ASH1L: variants seen among roughly 807,000 people sequenced by gnomAD.
The protein encoded by ASH1L is ASH1 like histone lysine methyltransferase.
In ASH1L, 23 loss-of-function variants were observed where a neutral mutation model predicts 269.0. That is an observed-to-expected ratio of 0.09 (90% CI 0.06 to 0.12). The LOEUF is 0.12. Ranked by LOEUF, ASH1L falls within the 10% of genes least tolerant of loss-of-function variation. ASH1L has a pLI of 1.00. For synonymous variants in ASH1L, 1,187 were observed against 1,253.5 expected (o/e 0.95, Z 1.12); for missense variants, 2,912 against 3,567.8 (o/e 0.82, Z 4.68).
At chr1:155,483,278 C>A (rs1237585555) in intron 2 of ASH1L, among the ~76,000 whole-genome samples, 1 of 152,122 alleles carries the variant, frequency 6.6e-6, no homozygotes, top group Non-Finnish European at 1.5e-5. Flanking sequence ...TTTCCCTAAG[C>A]AAATTTATAA....
chr1:155,362,552 C>G (rs897583447), intron 12 of ASH1L, among the ~76,000 whole-genome samples: 2 of 151,952 alleles, frequency 1.3e-5, no homozygotes, highest in Non-Finnish European at 2.9e-5. Context: ...AATAAGGCAA[C>G]TGAGGCACAC....
At chr1:155,404,484 G>A (rs1297721201) in intron 6 of ASH1L, among the ~76,000 whole-genome samples, 1 of 152,150 alleles carries the variant, frequency 6.6e-6, no homozygotes, top group Non-Finnish European at 1.5e-5. Context: ...GACCAGCTCA[G>A]GCAACATGGC....
At chr1:155,472,287 C>A (rs895201143) in intron 3 of ASH1L, among the ~76,000 whole-genome samples, 7 of 152,148 alleles carry the variant, frequency 4.6e-5, no homozygotes, top group Admixed American at 6.5e-5. Context: ...GAGACTCCAT[C>A]TCAAATAAAT....
chr1:155,337,761 G>T lies in ASH1L; in HGVS notation c.8804-10C>A. 1 of 1,612,082 alleles carries T rather than the reference G, an allele frequency of 6.2e-7. No homozygotes were observed. Among genetic ancestry groups the T allele is most frequent in the South Asian group, 1.1e-5 (1 of 91,018 alleles). ...TAGGTCACATCAATGGCTGAAAACA[G>T]AACCAAGGAGGCTCATCAAAATACC... On this transcript the variant is annotated splice_polypyrimidine_tract_variant and intron_variant, in intron 27 of 27. Coordinates refer to ENST00000392403, the MANE Select transcript of ASH1L (RefSeq NM_018489.3).
intron 1 of ASH1L, among the ~76,000 whole-genome samples, chr1:155,542,187 T>C (rs1670469522): frequency 6.6e-6 from 1 of 152,204 alleles, no homozygotes; most frequent in South Asian, 2.1e-4. Context: ...TCTCAATCTT[T>C]AGGGAATTCT....
In ASH1L at chr1:155,506,767, G is replaced by A. The variant is rs75636389; in HGVS notation, c.420+14333C>T. Among the ~76,000 whole-genome samples the A allele has an allele frequency of 2.0e-4, 30 of 151,894 alleles. No individual in the cohort carries two copies. The East Asian group carries it at 5.2e-3, about 27-fold the overall frequency. On this transcript the variant is annotated intron_variant, in intron 2 of 27. Coordinates refer to ENST00000392403, the MANE Select transcript of ASH1L (RefSeq NM_018489.3). ...TATAAAATTTTAAATTCCAGGACAG[G>A]CTTTAAGTCTAATACTTGGATTCAT...
Position 155,478,202 on chromosome 1 carries a change from C to A in ASH1L, c.4668G>T (p.Trp1556Cys). The change falls in exon 3 of 28, where the codon TGG (tryptophan) becomes TGT (cysteine). Residue 1556 changes from tryptophan to cysteine, a missense_variant. Coordinates refer to ENST00000392403, the MANE Select transcript of ASH1L (RefSeq NM_018489.3). This position sits in a 1 kb window ranked among gnomAD's most constrained non-coding sequence, Gnocchi z 4.6. ...SKSLINREEQ[W>C]VHREPSESSP... ...TAGATTCTGAAGGCTCTCGGTGGAC[C>A]CACTGTTCCTCTCTGTTTATTAAGC... 1.2e-6 allele frequency: 2 copies of A among 1,610,840 alleles called. No homozygotes were observed. Among genetic ancestry groups the A allele is most frequent in the Non-Finnish European group, 1.7e-6 (2 of 1,178,732 alleles).
intron 6 of ASH1L, among the ~76,000 whole-genome samples, chr1:155,408,913 A>G (rs1659531473): frequency 6.6e-6 from 1 of 152,068 alleles, no homozygotes; most frequent in Non-Finnish European, 1.5e-5. Flanking sequence ...TATTCAAAAA[A>G]ACAAAACAAA....
At position 155,346,483 on chromosome 1, in the gene ASH1L, T is replaced by C. The variant is rs767182670; in HGVS notation, c.7804-14A>G. 6.2e-7 allele frequency: 1 copy of C among 1,610,666 alleles called. No individual in the cohort carries two copies. The highest frequency in any genetic ancestry group is 8.5e-7 in the Non-Finnish European group (1 of 1,177,132). On this transcript the variant is annotated splice_polypyrimidine_tract_variant and intron_variant, in intron 20 of 27. Coordinates refer to ENST00000392403, the MANE Select transcript of ASH1L (RefSeq NM_018489.3). ...GTGCTGCCATACCTGTAGAAAAACA[T>C]ACAGTTTGGGGAACATGGAGGCTAT...
At chr1:155,521,035 G>T (rs1668851289) in intron 2 of ASH1L, 65 bp downstream of exon 2, 2 of 1,455,238 alleles carry the variant, frequency 1.4e-6, no homozygotes, top group South Asian at 1.4e-5. Context: ...ACATATATAG[G>T]ATAAAAATTA....
At chr1:155,446,901 C>T (rs536004829) in intron 4 of ASH1L, among the ~76,000 whole-genome samples, 7 of 152,164 alleles carry the variant, frequency 4.6e-5, no homozygotes, top group South Asian at 4.1e-4. Context: ...CCGCGCCCGG[C>T]GCTACATTTC....
At chr1:155,446,299 A>AT (rs1663021529) in intron 4 of ASH1L, among the ~76,000 whole-genome samples, 9 of 149,686 alleles carry the variant, frequency 6.0e-5, no homozygotes, top group Middle Eastern at 3.2e-3. Flanking sequence ...TAATTAATTA[A>AT]ATTTTTTTTT....
At position 155,343,201 on chromosome 1, in the gene ASH1L, A is replaced by T; in HGVS notation, c.8293+113T>A. The stretch of plus-strand genomic sequence containing the variant: ...TTGCCACGTTGGCCAGGCTGGTCTC[A>T]CACTCCTGGGCTTAAGCAATCTGCC... On this transcript the variant is annotated intron_variant, in intron 24 of 27. Coordinates refer to ENST00000392403, the MANE Select transcript of ASH1L (RefSeq NM_018489.3). This position sits in a 1 kb window ranked among gnomAD's most constrained non-coding sequence, Gnocchi z 6.1. 1 of 1,229,702 alleles carries T rather than the reference A, an allele frequency of 8.1e-7. No homozygotes were observed. The highest frequency in any genetic ancestry group is 1.1e-6 in the Non-Finnish European group (1 of 882,572). 76.2% of individuals were successfully genotyped at this position (1,229,702 alleles called of 1,614,324 possible).
chr1:155,553,086 C>A (rs1671328025), intron 1 of ASH1L, among the ~76,000 whole-genome samples: 1 of 152,150 alleles, frequency 6.6e-6, no homozygotes, highest in South Asian at 2.1e-4. Flanking sequence ...AAACTCAGAT[C>A]TGAGCCTAAT....
At chr1:155,420,055 C>A (rs1660540280) in intron 5 of ASH1L, among the ~76,000 whole-genome samples, 1 of 152,178 alleles carries the variant, frequency 6.6e-6, no homozygotes, top group African/African-American at 2.4e-5. Flanking sequence ...GGGTGACTCA[C>A]TCCTATAATC....
intron 4 of ASH1L, among the ~76,000 whole-genome samples, chr1:155,454,114 G>A (rs1043064812): frequency 6.6e-6 from 1 of 152,090 alleles, no homozygotes; most frequent in Admixed American, 6.6e-5. Context: ...CAAAAAATAA[G>A]AGAAGTTACC....
intron 4 of ASH1L, among the ~76,000 whole-genome samples, chr1:155,439,350 A>C (rs892922269): frequency 6.6e-6 from 1 of 151,022 alleles, no homozygotes; most frequent in Non-Finnish European, 1.5e-5. Context: ...TGAAGGTCAA[A>C]AATAAAAAAT....
At chr1:155,344,074 T>C (rs949392108) in intron 22 of ASH1L, 109 bp downstream of exon 22, 1 of 926,686 alleles carries the variant, frequency 1.1e-6, no homozygotes, top group South Asian at 1.6e-5. Context: ...TTATATTCTA[T>C]TGCTATTCGA....
intron 1 of ASH1L, among the ~76,000 whole-genome samples, chr1:155,547,614 T>C (rs1670918751): frequency 6.6e-6 from 1 of 151,818 alleles, no homozygotes; most frequent in African/African-American, 2.4e-5. Context: ...CCCTGGCTAC[T>C]CGGGAAGCTG....
Sources: gnomAD v4.1 joint callset for allele counts (sites outside exome capture counted in the v4.1 genomes callset) on GRCh38, gnomAD v4.1.1 for gene constraint, Gnocchi (gnomAD v3.1) non-coding constraint, MANE v1.5 for transcripts, NCBI Gene and HGNC (gene_info 2026-07-23, HGNC 2026-07-21) for gene names.